The following TMEM214 variants were observed in gnomAD, a reference collection of about 807,000 sequenced individuals.
TMEM214 encodes the protein transmembrane protein 214.
In TMEM214, 71 loss-of-function variants were observed where a neutral mutation model predicts 89.8. The ratio of observed to expected loss-of-function variants is 0.79; its 90% CI spans 0.65 to 0.96. TMEM214 has a LOEUF of 0.96. Among genes scored for constraint, TMEM214 ranks in the 40% least tolerant of loss-of-function variants. The pLI is 0.00. For missense variants in TMEM214, 754 were observed against 843.4 expected (o/e 0.89, Z 1.31); for synonymous variants, 332 against 349.5 (o/e 0.95, Z 0.56).
chr2:27,035,382 A>G (rs1667508828), intron 3 of TMEM214, 97 bp downstream of exon 3: 4 of 1,529,334 alleles, frequency 2.6e-6, no homozygotes, highest in African/African-American at 2.7e-5. Flanking sequence ...CCTGATTTCC[A>G]TGGGTGATTT....
At position 27,036,003 on chromosome 2, in the gene TMEM214, A is replaced by G; in HGVS notation, c.671A>G (p.Gln224Arg). ...CTACATGGTTACCGCATCTGTATCC[A>G]GGCCATCCTGCAAGACAAGCCCAAG... Reference protein sequence around the residue: ...ESLHGYRICIQAILQDKPKIA... With the variant: ...ESLHGYRICIRAILQDKPKIA... Residue 224 changes from glutamine (Q) to arginine (R), a missense_variant, in exon 5 of 17, where the codon CAG becomes CGG. Transcript: ENST00000238788. 6.2e-7 allele frequency: 1 copy of G among 1,614,188 alleles called. No homozygotes were observed. The highest frequency in any genetic ancestry group is 1.7e-5 in the Admixed American group (1 of 60,032).
rs766646311 is a variant in TMEM214 at position 27,035,729 on chromosome 2, G to T, written c.637+1G>T. 3.7e-6 allele frequency: 6 copies of T among 1,614,076 alleles called. No individual in the cohort carries two copies. The highest frequency in any genetic ancestry group is 5.1e-6 in the Non-Finnish European group (6 of 1,180,034). ...TTGCAAGAGCTGGATAAGACACCAG[G>T]TGAAAGGGGCACGGGAGGGATGACC... is the stretch of plus-strand genomic sequence containing the variant. On this transcript the variant is annotated splice_donor_variant, in intron 4 of 16. Transcript: ENST00000238788. LOFTEE classifies it high-confidence loss of function.
chr2:27,033,860 A>G (rs1240893537), intron 1 of TMEM214, among the ~76,000 whole-genome samples: 1 of 152,060 alleles, frequency 6.6e-6, no homozygotes, highest in South Asian at 2.1e-4. Flanking sequence ...TCTTTATGAA[A>G]GAGCCCATAG....
Position 27,033,092 on chromosome 2 carries a change from C to T in TMEM214, c.77C>T (p.Ala26Val), listed in dbSNP as rs1667403169. ...CGGCGGCCTGGGGTCGGCGCCGGCG[C>T]CGGCGGCCGAGGAGGCGGCAGGAAC... ...KGRRPGVGAG[A>V]GGRGGGRNRR... The change falls in exon 1 of 17, where the codon GCC becomes GTC. Residue 26 changes from alanine to valine, a missense_variant. Ala to Val is a moderately conservative substitution (Grantham distance 64, BLOSUM62 0). Coordinates refer to ENST00000238788, the MANE Select transcript of TMEM214 (RefSeq NM_017727.5). 8.0e-7 allele frequency: 1 copy of T among 1,247,546 alleles called. No individual in the cohort carries two copies. Among genetic ancestry groups the T allele is most frequent in the Non-Finnish European group, 1.0e-6 (1 of 987,874 alleles). 77.3% of individuals were successfully genotyped at this position (1,247,546 alleles called of 1,614,324 possible). A position where few individuals can be genotyped will look rare whatever the true frequency, so the allele number is the denominator to read the frequency against.
At chr2:27,037,423 TA>T in intron 8 of TMEM214, 137 bp from the exon 9 acceptor site, 1 of 1,127,774 alleles carries the variant, frequency 8.9e-7, no homozygotes, top group Non-Finnish European at 1.3e-6. Context: ...AGTCTCTGAG[TA>T]AAAAGATTCA....
rs1359984487 is a variant in TMEM214, at chr2:27,040,733, A to G, written c.1966A>G (p.Met656Val). The G allele has an allele frequency of 3.7e-6, 6 of 1,614,008 alleles. No individual in the cohort carries two copies. In the African/African-American group the frequency reaches 4.0e-5, roughly 11 times the overall value. Residue 656 changes from methionine to valine, a missense_variant, in exon 17 of 17, where the codon ATG (methionine) becomes GTG (valine). Transcript: ENST00000238788. ...ACRGEVTWDC[M>V]KTQLSEAVHW... ...CAGAGGTGAGGTGACCTGGGACTGC[A>G]TGAAGACACAGCTCAGTGAGGCTGT...
rs976173243 is a variant in TMEM214, at chr2:27,038,923, C to T, written c.1407+108C>T. ...CCTGCCCCACCTGTCTGGAGCCCCCCGCTGCCTCCAGGATAATGTGAAGGC... is the reference window on the plus strand; with the variant it reads ...CCTGCCCCACCTGTCTGGAGCCCCCTGCTGCCTCCAGGATAATGTGAAGGC... On this transcript the variant is annotated intron_variant, in intron 12 of 16. Transcript: ENST00000238788. This position sits in a 1 kb window ranked among gnomAD's most constrained non-coding sequence, Gnocchi z 4.4. The T allele has an allele frequency of 1.2e-5, 17 of 1,411,202 alleles. No individual in the cohort carries two copies. The highest frequency in any genetic ancestry group is 7.1e-5 in the South Asian group (6 of 84,452). 87.4% of individuals were successfully genotyped at this position (1,411,202 alleles called of 1,614,324 possible).
In TMEM214 at chr2:27,039,853, G is replaced by T. The variant is rs1462801026; in HGVS notation, c.1622+16G>T. The T allele has an allele frequency of 1.2e-6, 2 of 1,612,434 alleles. No individual in the cohort carries two copies. Among genetic ancestry groups the T allele is most frequent in the South Asian group, 2.2e-5 (2 of 90,992 alleles). ...AAGGCTACAGGTGAGCTCCTCCCAG[G>T]GAGGGGAGAGGAGAGGCAGAAGAGA... is the stretch of plus-strand genomic sequence containing the variant. On this transcript the variant is annotated intron_variant, in intron 14 of 16. Coordinates refer to ENST00000238788, the MANE Select transcript of TMEM214 (RefSeq NM_017727.5).
chr2:27,039,662 G>C, intron 13 of TMEM214, 79 bp from the exon 14 acceptor site: 4 of 1,259,534 alleles, frequency 3.2e-6, no homozygotes, highest in African/African-American at 1.5e-5. Context: ...CGCTGTGCCT[G>C]CTCTGGGCCC....
In TMEM214 at chr2:27,038,929, C is replaced by T. The variant is rs1667693296; in HGVS notation, c.1407+114C>T. 3 of 1,439,954 alleles carry T rather than the reference C, an allele frequency of 2.1e-6. No individual in the cohort carries two copies. The highest frequency in any genetic ancestry group is 2.9e-6 in the Non-Finnish European group (3 of 1,028,980). 89.2% of individuals were successfully genotyped at this position (1,439,954 alleles called of 1,614,324 possible). A position where few individuals can be genotyped will look rare whatever the true frequency, so the allele number is the denominator to read the frequency against. On this transcript the variant is annotated intron_variant, in intron 12 of 16. Coordinates refer to ENST00000238788, the MANE Select transcript of TMEM214 (RefSeq NM_017727.5). The surrounding 1 kb of genome is among the most constrained non-coding windows in gnomAD (Gnocchi z 4.4). ...CCACCTGTCTGGAGCCCCCCGCTGC[C>T]TCCAGGATAATGTGAAGGCTTGACG...
chr2:27,035,508 C>T, intron 3 of TMEM214, 86 bp from the exon 4 acceptor site: 2 of 1,570,456 alleles, frequency 1.3e-6, no homozygotes, highest in Non-Finnish European at 1.7e-6. Context: ...TTTGCCTCCA[C>T]TCACCATTCC....
At position 27,040,174 on chromosome 2, in the gene TMEM214, C is replaced by CA. The variant is rs1223818204; in HGVS notation, c.1768dup (p.Ser590LysfsTer45). ...CCTCTCACCTTGCGTGGTTTGGTGA[C>CA]AGTCTCACCAGTCTCTCTCAGAGGG... On this transcript the variant is annotated frameshift_variant, in exon 15 of 17. Coordinates refer to ENST00000238788, the MANE Select transcript of TMEM214 (RefSeq NM_017727.5). LOFTEE classifies it high-confidence loss of function. 1 of 1,605,900 alleles carries CA rather than the reference C, an allele frequency of 6.2e-7. No homozygotes were observed. The highest frequency in any genetic ancestry group is 2.2e-5 in the East Asian group (1 of 44,878).
chr2:27,035,099 C>G, intron 2 of TMEM214, 36 bp from the exon 3 acceptor site: 1 of 1,610,830 alleles, frequency 6.2e-7, no homozygotes, highest in Non-Finnish European at 8.5e-7. Context: ...ACTCACAACT[C>G]GCCATGGTGG....
At chr2:27,037,738 A>G (rs1161843840) in intron 9 of TMEM214, 36 bp downstream of exon 9, 9 of 1,613,982 alleles carry the variant, frequency 5.6e-6, no homozygotes, top group Middle Eastern at 1.6e-4. Flanking sequence ...CTCCTTCCCC[A>G]GGGGTCAGCT....
chr2:27,037,349 G>A (rs897110321), intron 8 of TMEM214, among the ~76,000 whole-genome samples, 171 bp downstream of exon 8: 5 of 151,988 alleles, frequency 3.3e-5, no homozygotes, highest in African/African-American at 1.2e-4. Flanking sequence ...GGACCCTTGA[G>A]TGTGATTGGC....
At chr2:27,034,413 C>T (rs751709845) in intron 2 of TMEM214, 147 bp downstream of exon 2, 34 of 869,754 alleles carry the variant, frequency 3.9e-5, no homozygotes, top group Non-Finnish European at 5.2e-5. Context: ...AAGATGGAAA[C>T]CCCAGGGGAA....
At chr2:27,035,432 G>C in intron 3 of TMEM214, 147 bp downstream of exon 3, 1 of 1,413,478 alleles carries the variant, frequency 7.1e-7, no homozygotes, top group Non-Finnish European at 9.6e-7. Context: ...ATGTTTCTGG[G>C]CCTCATTCTG....
chr2:27,035,046 G>A, intron 2 of TMEM214, 89 bp from the exon 3 acceptor site: 2 of 1,509,750 alleles, frequency 1.3e-6, no homozygotes, highest in African/African-American at 1.4e-5. Flanking sequence ...CTGCCACCTA[G>A]TTCAACCATT....
chr2:27,038,162 C>G lies in TMEM214; in HGVS notation c.1169C>G (p.Thr390Ser), dbSNP rs1667655695. ...EMKKELLSSL[T>S]ECLTVDPLSA... The stretch of plus-strand genomic sequence containing the variant: ...GCTGTGCAGCTCCTGAGCAGCCTGA[C>G]TGAGTGCCTGACGGTGGACCCCCTC... Residue 390 changes from threonine (T) to serine (S), a missense_variant, in exon 10 of 17, where the codon ACT (threonine) becomes AGT (serine). Coordinates refer to ENST00000238788, the MANE Select transcript of TMEM214 (RefSeq NM_017727.5). The surrounding 1 kb of genome is among the most constrained non-coding windows in gnomAD (Gnocchi z 4.4). 2 of 1,614,050 alleles carry G rather than the reference C, an allele frequency of 1.2e-6. No individual in the cohort carries two copies. Among genetic ancestry groups the G allele is most frequent in the South Asian group, 1.1e-5 (1 of 91,088 alleles).
Sources: gnomAD v4.1 joint callset for allele counts (sites outside exome capture counted in the v4.1 genomes callset) on GRCh38, gnomAD v4.1.1 for gene constraint, Gnocchi (gnomAD v3.1) non-coding constraint, MANE v1.5 for transcripts, NCBI Gene and HGNC (gene_info 2026-07-23, HGNC 2026-07-21) for gene names.